Variants in RAB10 observed in about 807,000 individuals in gnomAD.
The protein encoded by RAB10 is RAB10, member RAS oncogene family.
Under a neutral mutation model 25.7 loss-of-function variants are expected in RAB10, and 5 were observed. The observed-to-expected ratio is 0.19, with a 90% CI of 0.10 to 0.41. The LOEUF is 0.41. RAB10 is among the 10% of genes least tolerant of loss of function. RAB10 has a pLI of 1.00. For synonymous variants in RAB10, 89 were observed against 86.4 expected, an observed-to-expected ratio of 1.03 and a Z score of -0.16; for missense variants, 103 against 245.8, an observed-to-expected ratio of 0.42 and a Z score of 3.89.
At chr2:26,098,450 C>CT in intron 1 of RAB10, 1 of 487,532 alleles carries the variant, frequency 2.1e-6, no homozygotes, top group Non-Finnish European at 3.6e-6. Flanking sequence ...AAAACTTGGT[C>CT]TTTTCTGTAT....
intron 1 of RAB10, among the ~76,000 whole-genome samples, chr2:26,037,945 G>C (rs1246919268): frequency 6.6e-6 from 1 of 151,746 alleles, no homozygotes; most frequent in Non-Finnish European, 1.5e-5. Context: ...GGAGTGCAAT[G>C]GTGTGATCTC....
rs79698583 is a variant in RAB10, at chr2:26,054,013, CT to C, written c.127+19292del. On this transcript the variant is annotated intron_variant, in intron 1 of 5. Coordinates refer to ENST00000264710, the MANE Select transcript of RAB10 (RefSeq NM_016131.5). ...CACCACACCCGGCTTCTTTTTCTTT[CT>C]TTTTTTTTTTTTTCCCTTCTGTTCT... is the stretch of plus-strand genomic sequence containing the variant. 8.7e-3 allele frequency among the ~76,000 whole-genome samples: 912 copies of C among 104,972 alleles called. 10 individuals are homozygous for C. Among genetic ancestry groups the C allele is most frequent in the South Asian group, 0.025 (75 of 2,998 alleles). 68.9% of individuals were successfully genotyped at this position (104,972 alleles called of 152,430 possible).
chr2:26,126,131 T>A (rs146085626), intron 3 of RAB10, among the ~76,000 whole-genome samples: 271 of 152,350 alleles, frequency 1.8e-3, no homozygotes, highest in African/African-American at 6.3e-3. Context: ...CCCTATTGAC[T>A]GATTTTGGCA....
At chr2:26,096,604 T>C (rs1667224492) in intron 1 of RAB10, among the ~76,000 whole-genome samples, 1 of 152,196 alleles carries the variant, frequency 6.6e-6, no homozygotes, top group African/African-American at 2.4e-5. Context: ...AAACTTGGCT[T>C]TTTTGATCTT....
In RAB10 at chr2:26,048,136, A is replaced by G. The variant is rs80277217; in HGVS notation, c.127+13401A>G. Among the ~76,000 whole-genome samples, 483 of 149,846 alleles carry G rather than the reference A, an allele frequency of 3.2e-3. 6 individuals carry two copies. Among genetic ancestry groups the G allele is most frequent in the Admixed American group, 0.025 (374 of 14,916 alleles). On this transcript the variant is annotated intron_variant, in intron 1 of 5. Coordinates refer to ENST00000264710, the MANE Select transcript of RAB10 (RefSeq NM_016131.5). ...ATTGACCGACATCTGGGCTGATTCT[A>G]GTTTTTAGCTAATATGAATAAAGCT...
chr2:26,110,945 A>G (rs1438790145), intron 3 of RAB10, among the ~76,000 whole-genome samples: 4 of 152,130 alleles, frequency 2.6e-5, no homozygotes, highest in Non-Finnish European at 5.9e-5. Context: ...GCCTCAAGTG[A>G]TCTGCCCACC....
intron 1 of RAB10, among the ~76,000 whole-genome samples, chr2:26,082,366 G>A (rs1201901414): frequency 6.6e-6 from 1 of 152,042 alleles, no homozygotes; most frequent in Non-Finnish European, 1.5e-5. Context: ...AAGTTGGAGT[G>A]CTATATTAAT....
In RAB10 at chr2:26,137,380, C is replaced by G. The variant is rs1668133124; in HGVS notation, c.*2359C>G. ...GCTACAAATTCGGTTTCATATTCTA[C>G]TTAACAATTTAAATAAACTGAAATA... is the stretch of plus-strand genomic sequence containing the variant. On this transcript the variant is annotated 3_prime_UTR_variant, in exon 6 of 6. Coordinates refer to ENST00000264710, the MANE Select transcript of RAB10 (RefSeq NM_016131.5). 6.6e-6 allele frequency: 1 copy of G among 152,614 alleles called. No homozygotes were observed. Among genetic ancestry groups the G allele is most frequent in the South Asian group, 2.1e-4 (1 of 4,832 alleles). The allele number at this position is 152,614 out of a possible 1,614,324, so 9.5% of individuals were successfully genotyped here. A position where few individuals can be genotyped will look rare whatever the true frequency, so the allele number is the denominator to read the frequency against.
At chr2:26,042,228 C>G (rs1017058598) in intron 1 of RAB10, among the ~76,000 whole-genome samples, 5 of 152,154 alleles carry the variant, frequency 3.3e-5, no homozygotes, top group African/African-American at 9.7e-5. Context: ...TGTAAGAAAT[C>G]AAGTTGGTAA....
intron 1 of RAB10, among the ~76,000 whole-genome samples, chr2:26,083,343 G>T (rs1315352498): frequency 6.6e-6 from 1 of 152,084 alleles, no homozygotes; most frequent in African/African-American, 2.4e-5. Context: ...CAAGGTCAGT[G>T]TACCAAAACC....
intron 1 of RAB10, among the ~76,000 whole-genome samples, chr2:26,077,215 A>AT (rs1461774071): frequency 6.6e-6 from 1 of 152,116 alleles, no homozygotes; most frequent in African/African-American, 2.4e-5. Context: ...TAAATTGTTT[A>AT]TTTTTTTGTT....
At chr2:26,071,026 A>G (rs1574537397) in intron 1 of RAB10, among the ~76,000 whole-genome samples, 1 of 152,224 alleles carries the variant, frequency 6.6e-6, no homozygotes, top group African/African-American at 2.4e-5. Context: ...AAGCTGGACT[A>G]GTAGTCATTG....
intron 3 of RAB10, among the ~76,000 whole-genome samples, chr2:26,122,893 G>C (rs374142500): frequency 2.7e-4 from 41 of 152,168 alleles, no homozygotes; most frequent in African/African-American, 9.9e-4. Context: ...CCTATTCTCG[G>C]GGTGGCAGGG....
chr2:26,113,722 A>G (rs1667626439), intron 3 of RAB10, among the ~76,000 whole-genome samples: 2 of 146,942 alleles, frequency 1.4e-5, no homozygotes, highest in Non-Finnish European at 3.0e-5. Context: ...GTTCAACATT[A>G]TGCTGAGTTC....
chr2:26,087,784 G>A lies in RAB10; in HGVS notation c.128-10878G>A, dbSNP rs114781359. ...ACTAGGATTATCCTGAGGTTTTAATGAGTTAATCCATGCAAAGATCTTCTA... is the reference window on the plus strand; with the variant it reads ...ACTAGGATTATCCTGAGGTTTTAATAAGTTAATCCATGCAAAGATCTTCTA... On this transcript the variant is annotated intron_variant, in intron 1 of 5. Coordinates refer to ENST00000264710, the MANE Select transcript of RAB10 (RefSeq NM_016131.5). Among the ~76,000 whole-genome samples the A allele has an allele frequency of 8.7e-3, 1,326 of 152,290 alleles. 12 individuals are homozygous for A. The highest frequency in any genetic ancestry group is 0.014 in the Non-Finnish European group (938 of 68,022).
At chr2:26,110,055 G>A (rs1667538742) in intron 3 of RAB10, 149 bp downstream of exon 3, 6 of 977,978 alleles carry the variant, frequency 6.1e-6, no homozygotes, top group Non-Finnish European at 8.2e-6. Flanking sequence ...AGTTAATGTT[G>A]GCCGGGCATG....
chr2:26,074,811 G>C (rs1466106928), intron 1 of RAB10, among the ~76,000 whole-genome samples: 2 of 152,334 alleles, frequency 1.3e-5, no homozygotes, highest in South Asian at 2.1e-4. Flanking sequence ...TCGTGTGCCT[G>C]AATAAGTTAC....
chr2:26,062,679 A>AAAATAAATAAATAAAT (rs10659551), intron 1 of RAB10, among the ~76,000 whole-genome samples: 24 of 148,500 alleles, frequency 1.6e-4, no homozygotes, highest in South Asian at 8.5e-4. Flanking sequence ...CTCTGTCTCA[A>AAAATAAATAAATAAAT]AAATAAATAA....
In RAB10 at chr2:26,034,262, G is replaced by C; in HGVS notation, c.-347G>C. ...CGGGAGAGAGACTGTCCTCACGCCC[G>C]CTGCGCCTCCTCGACGGCAGAGCAG... On this transcript the variant is annotated 5_prime_UTR_variant, in exon 1 of 6. Coordinates refer to ENST00000264710, the MANE Select transcript of RAB10 (RefSeq NM_016131.5). The C allele has an allele frequency of 2.0e-6, 1 of 501,926 alleles. No individual in the cohort carries two copies. Among genetic ancestry groups the C allele is most frequent in the Non-Finnish European group, 3.5e-6 (1 of 282,176 alleles). 31.1% of individuals were successfully genotyped at this position (501,926 alleles called of 1,614,324 possible).
Sources: allele counts gnomAD v4.1 joint callset (sites outside exome capture counted in the v4.1 genomes callset), GRCh38; gene constraint gnomAD v4.1.1; transcripts MANE v1.5; gene names NCBI Gene and HGNC (gene_info 2026-07-23, HGNC 2026-07-21).